Variants in C11orf65 observed in about 807,000 individuals in gnomAD.
C11orf65 encodes the protein chromosome 11 open reading frame 65.
In C11orf65, 38 loss-of-function variants were observed where a neutral mutation model predicts 35.3. The ratio of observed to expected loss-of-function variants is 1.08; its 90% CI spans 0.83 to 1.41. The LOEUF is 1.41. Ranked by LOEUF, C11orf65 falls within the 40% of genes most tolerant of loss-of-function variation. The pLI, the probability that C11orf65 is intolerant of heterozygous loss-of-function variation, is 0.00. For missense variants in C11orf65, 370 were observed against 367.1 expected (o/e 1.01, Z -0.06); for synonymous variants, 105 against 114.4 (o/e 0.92, Z 0.53).
intron 6 of C11orf65, chr11:108,321,515 GCTCATGCCTGTAAT>G (rs1277935194): frequency 7.0e-5 from 109 of 1,557,334 alleles, no homozygotes; most frequent in Middle Eastern, 1.7e-4. Flanking sequence ...GGGCACGGTG[GCTCATGCCTGTAAT>G]CCTAGCACTT....
intron 6 of C11orf65, chr11:108,325,257 T>G (rs1204828141): frequency 1.6e-5 from 17 of 1,035,976 alleles, no homozygotes; most frequent in East Asian, 7.6e-5. Context: ...TAGTTTTTTT[T>G]TTTTTTTTTT....
At chr11:108,374,715 A>G (rs1334792971) in intron 2 of C11orf65, among the ~76,000 whole-genome samples, 1 of 152,170 alleles carries the variant, frequency 6.6e-6, no homozygotes, top group Non-Finnish European at 1.5e-5. Context: ...TTCAAACCAA[A>G]GGCAAAGAAG....
At chr11:108,331,610 T>C (rs1220106242) in intron 3 of C11orf65, 3 of 1,417,982 alleles carry the variant, frequency 2.1e-6, no homozygotes, top group East Asian at 2.7e-5. Flanking sequence ...CTATTATTAC[T>C]ATATATTATA....
intron 2 of C11orf65, among the ~76,000 whole-genome samples, chr11:108,352,875 A>G (rs995152603): frequency 6.6e-6 from 1 of 152,230 alleles, no homozygotes; most frequent in African/African-American, 2.4e-5. Flanking sequence ...TGACAAAATT[A>G]TAAAAATGGA....
At chr11:108,372,810 C>A (rs2091607729) in intron 2 of C11orf65, among the ~76,000 whole-genome samples, 1 of 152,258 alleles carries the variant, frequency 6.6e-6, no homozygotes, top group Middle Eastern at 3.4e-3. Flanking sequence ...AGATGCCGGG[C>A]ACACATCTGT....
chr11:108,359,002 A>G (rs910898839), intron 2 of C11orf65, among the ~76,000 whole-genome samples: 1 of 151,756 alleles, frequency 6.6e-6, no homozygotes, highest in African/African-American at 2.4e-5. Context: ...CAGACTGGCA[A>G]ATTGGATAAA....
intron 3 of C11orf65, among the ~76,000 whole-genome samples, chr11:108,408,278 T>C (rs1448588971): frequency 2.0e-5 from 3 of 152,100 alleles, no homozygotes; most frequent in African/African-American, 7.2e-5. Context: ...ATATAAAATA[T>C]TATCTTGCAG....
Position 108,395,919 on chromosome 11 carries a change from C to T in C11orf65, c.561-2541G>A, listed in dbSNP as rs187856028. Among the ~76,000 whole-genome samples, 60 of 151,810 alleles carry T rather than the reference C, an allele frequency of 4.0e-4. 1 individual carries two copies. The highest frequency in any genetic ancestry group is 1.3e-3 in the African/African-American group (54 of 41,366). On this transcript the variant is annotated intron_variant, in intron 6 of 8. Coordinates refer to ENST00000393084, the MANE Select transcript of C11orf65 (RefSeq NM_152587.5). ...TACAGGTGTGAGCCACCGCGCCCAG[C>T]CAAAATTTTTTAAAATAATAATAAT...
intron 3 of C11orf65, among the ~76,000 whole-genome samples, chr11:108,429,393 T>C (rs1373682989): frequency 7.9e-6 from 1 of 127,282 alleles, no homozygotes; most frequent in Non-Finnish European, 1.6e-5. Context: ...CTTTCTCCTT[T>C]TGCATATATT....
In C11orf65 at chr11:108,317,510, C is replaced by T. The variant is rs755845798; in HGVS notation, c.641-8439G>A. ...GGAGGAATATGCAGTGGGACCATTG[C>T]ACTTCCGTCAGGTAAGAAATTTGAC... On this transcript the variant is annotated intron_variant, in intron 6 of 6. Transcript: ENST00000525729. 1 of 1,606,640 alleles carries T rather than the reference C, an allele frequency of 6.2e-7. No homozygotes were observed. Among genetic ancestry groups the T allele is most frequent in the South Asian group, 1.1e-5 (1 of 90,854 alleles).
chr11:108,426,144 C>T (rs1043951447), intron 3 of C11orf65, among the ~76,000 whole-genome samples: 28 of 152,022 alleles, frequency 1.8e-4, no homozygotes, highest in African/African-American at 6.0e-4. Context: ...GAAGTTCTGG[C>T]CAGGGCAATC....
intron 2 of C11orf65, among the ~76,000 whole-genome samples, chr11:108,451,700 C>G (rs2093350045): frequency 1.3e-5 from 2 of 152,172 alleles, no homozygotes; most frequent in Non-Finnish European, 2.9e-5. Context: ...ATTGCCAAGA[C>G]AATCCTAAGC....
intron 6 of C11orf65, among the ~76,000 whole-genome samples, chr11:108,312,907 T>A (rs2084299195): frequency 6.6e-6 from 1 of 152,236 alleles, no homozygotes; most frequent in Non-Finnish European, 1.5e-5. Context: ...AATTGGCTCA[T>A]GTTACTGTCT....
At chr11:108,426,932 G>A (rs1048884979) in intron 3 of C11orf65, among the ~76,000 whole-genome samples, 1 of 152,100 alleles carries the variant, frequency 6.6e-6, no homozygotes, top group African/African-American at 2.4e-5. Flanking sequence ...AACAAGCAAT[G>A]GGGAAAAGAT....
intron 6 of C11orf65, among the ~76,000 whole-genome samples, chr11:108,323,903 G>A (rs1244896925): frequency 1.3e-5 from 2 of 152,146 alleles, no homozygotes; most frequent in African/African-American, 2.4e-5. Context: ...AATTCATCTC[G>A]TTCTGTTAAT....
intron 6 of C11orf65, among the ~76,000 whole-genome samples, chr11:108,309,949 G>GA (rs2084001935): frequency 6.6e-6 from 1 of 151,736 alleles, no homozygotes; most frequent in African/African-American, 2.4e-5. Context: ...AGGTTTGAGG[G>GA]AAAAAAGAAA....
chr11:108,348,642 A>C (rs986256166), intron 2 of C11orf65, among the ~76,000 whole-genome samples: 1 of 152,040 alleles, frequency 6.6e-6, no homozygotes, highest in Non-Finnish European at 1.5e-5. Context: ...TCACTAGGTG[A>C]TAATTTTTAG....
At chr11:108,454,302 CTT>C (rs35688885) in intron 2 of C11orf65, among the ~76,000 whole-genome samples, 13 of 137,962 alleles carry the variant, frequency 9.4e-5, no homozygotes, top group Admixed American at 1.5e-4. Context: ...TTTGAGTCTT[CTT>C]TTTTTTTTTT....
At chr11:108,369,847 C>G (rs1320921490) in intron 2 of C11orf65, among the ~76,000 whole-genome samples, 1 of 152,066 alleles carries the variant, frequency 6.6e-6, no homozygotes, top group Non-Finnish European at 1.5e-5. Flanking sequence ...TAATTTGTAC[C>G]TCACTAATTA....
Sources: allele counts gnomAD v4.1 joint callset (sites outside exome capture counted in the v4.1 genomes callset), GRCh38; gene constraint gnomAD v4.1.1; transcripts MANE v1.5; gene names NCBI Gene and HGNC (gene_info 2026-07-23, HGNC 2026-07-21).